Variants in CHORDC1 observed in about 807,000 individuals in gnomAD.
The protein encoded by CHORDC1 is cysteine and histidine-rich domain-containing protein 1.
CHORDC1 carries 25 observed loss-of-function variants against 48.3 expected under a neutral mutation model. The ratio of observed to expected loss-of-function variants is 0.52; its 90% CI spans 0.38 to 0.72. The LOEUF is 0.72. Among genes scored for constraint, CHORDC1 ranks in the 30% least tolerant of loss-of-function variants. CHORDC1 has a pLI of 0.00. For synonymous variants in CHORDC1, 128 were observed against 126.4 expected (o/e 1.01, Z -0.09); for missense variants, 317 against 388.7 (o/e 0.82, Z 1.55).
At chr11:90,216,892 C>G (rs750073161) in intron 2 of CHORDC1, among the ~76,000 whole-genome samples, 1 of 151,738 alleles carries the variant, frequency 6.6e-6, no homozygotes, top group African/African-American at 2.4e-5. Flanking sequence ...GAGAAAACAG[C>G]CAAAGGTTAC....
intron 4 of CHORDC1, chr11:90,212,781 AC>A (rs1405363536): frequency 6.7e-6 from 1 of 148,452 alleles, no homozygotes; most frequent in East Asian, 2.0e-4. Flanking sequence ...ACATGAGCAC[AC>A]CACCAAACCC....
At chr11:90,215,410 T>C (rs916676087) in intron 2 of CHORDC1, among the ~76,000 whole-genome samples, 180 bp from the exon 3 acceptor site, 4 of 152,062 alleles carry the variant, frequency 2.6e-5, no homozygotes, top group Admixed American at 2.0e-4. Context: ...CTTTGATTTT[T>C]AAAAAGCCAA....
At chr11:90,213,356 CTT>C (rs762162468) in intron 4 of CHORDC1, 1 of 635,392 alleles carries the variant, frequency 1.6e-6, no homozygotes, top group Admixed American at 2.7e-5. Context: ...AAAAAATCAC[CTT>C]TTTTTAAGTC....
intron 5 of CHORDC1, 195 bp downstream of exon 5, chr11:90,211,020 A>G (rs1458891879): frequency 5.3e-6 from 2 of 378,820 alleles, no homozygotes; most frequent in Non-Finnish European, 9.4e-6. Context: ...CGTTTTGAAT[A>G]AAGACATATG....
intron 1 of CHORDC1, chr11:90,222,576 G>A: frequency 1.7e-6 from 1 of 588,842 alleles, no homozygotes; most frequent in South Asian, 1.5e-5. Context: ...GAGGAGAAAC[G>A]TGTTCGTTCT....
intron 1 of CHORDC1, among the ~76,000 whole-genome samples, chr11:90,218,614 A>C (rs1483173833): frequency 6.6e-6 from 1 of 152,252 alleles, no homozygotes; most frequent in Non-Finnish European, 1.5e-5. Context: ...TTGTAATAAC[A>C]GGCTCAACAT....
intron 1 of CHORDC1, among the ~76,000 whole-genome samples, chr11:90,218,803 G>A (rs1009846183): frequency 2.0e-5 from 3 of 152,080 alleles, no homozygotes; most frequent in African/African-American, 7.2e-5. Flanking sequence ...GGGAACTGAG[G>A]AGTGCCTCTG....
At position 90,214,130 on chromosome 11, in the gene CHORDC1, C is replaced by G; in HGVS notation, c.217G>C (p.Val73Leu). 1 of 1,613,546 alleles carries G rather than the reference C, an allele frequency of 6.2e-7. No homozygotes were observed. Among genetic ancestry groups the G allele is most frequent in the Non-Finnish European group, 8.5e-7 (1 of 1,179,618 alleles). The change falls in exon 4 of 11, where the codon GTC becomes CTC. Residue 73 changes from valine (V) to leucine (L), a missense_variant. Coordinates refer to ENST00000320585, the MANE Select transcript of CHORDC1 (RefSeq NM_012124.3). Reference protein sequence around the residue: ...RHNSEKPPEPVKPEVKTTEKK... With the variant: ...RHNSEKPPEPLKPEVKTTEKK... ...TCAGTAGTCTTGACTTCAGGTTTGA[C>G]TGGCTCAGGTGGCTTCTCACTATTA...
At chr11:90,205,969 C>G in intron 7 of CHORDC1, 1 of 519,340 alleles carries the variant, frequency 1.9e-6, no homozygotes, top group Non-Finnish European at 3.5e-6. Flanking sequence ...TGAAGAAAAA[C>G]AGGCAGTTTA....
In CHORDC1 at chr11:90,219,591, A is replaced by G. The variant is rs189010913; in HGVS notation, c.65-1407T>C. ...AAAACACTTAAGGCATTCTTAAACC[A>G]CAAACAATAGCATGAGCCATATGTG... On this transcript the variant is annotated intron_variant, in intron 1 of 10. Coordinates refer to ENST00000320585, the MANE Select transcript of CHORDC1 (RefSeq NM_012124.3). 6.6e-5 allele frequency among the ~76,000 whole-genome samples: 10 copies of G among 152,344 alleles called. 1 individual carries two copies. Among genetic ancestry groups the G allele is most frequent in the Admixed American group, 3.9e-4 (6 of 15,306 alleles).
At chr11:90,214,482 T>A (rs1333334515) in intron 3 of CHORDC1, among the ~76,000 whole-genome samples, 9 of 152,038 alleles carry the variant, frequency 5.9e-5, no homozygotes, top group Admixed American at 5.9e-4. Context: ...TAAAAAATAG[T>A]TATACAGAAA....
rs780386208 is a variant in CHORDC1 at position 90,210,570 on chromosome 11, A to G, written c.458T>C (p.Ile153Thr). ...CCCTCCATTCTTACATGAGGTCCCAATCTTAATTTCATCATTGTCTTCTTC... is the reference window on the plus strand; with the variant it reads ...CCCTCCATTCTTACATGAGGTCCCAGTCTTAATTTCATCATTGTCTTCTTC... ...KKEEDNDEIK[I>T]GTSCKNGGCS... is the part of the protein sequence containing the mutation. Residue 153 changes from isoleucine (I) to threonine (T), a missense_variant, in exon 6 of 11, where the codon ATT becomes ACT. Coordinates refer to ENST00000320585, the MANE Select transcript of CHORDC1 (RefSeq NM_012124.3). 35 of 1,591,384 alleles carry G rather than the reference A, an allele frequency of 2.2e-5. No homozygotes were observed. The highest frequency in any genetic ancestry group is 1.0e-4 in the Admixed American group (6 of 59,398).
chr11:90,222,800 TGCAGGAGATCCGCG>T (rs1160942120), intron 1 of CHORDC1, 77 bp downstream of exon 1: 1 of 1,190,530 alleles, frequency 8.4e-7, no homozygotes, highest in South Asian at 1.3e-5. Context: ...CGAGGACGGC[TGCAGGAGATCCGCG>T]GACACCCTCC....
chr11:90,213,893 T>C, intron 4 of CHORDC1, 125 bp downstream of exon 4: 1 of 774,484 alleles, frequency 1.3e-6, no homozygotes. Flanking sequence ...AGAAACCAAA[T>C]GGTTCAAAGC....
chr11:90,210,993 A>C, intron 5 of CHORDC1: 1 of 324,300 alleles, frequency 3.1e-6, no homozygotes, highest in Non-Finnish European at 5.5e-6. Context: ...AAAGAAAAAA[A>C]ATTTAATATA....
chr11:90,216,576 AG>A (rs1221978544), intron 2 of CHORDC1: 8 of 439,330 alleles, frequency 1.8e-5, no homozygotes, highest in African/African-American at 1.6e-4. Flanking sequence ...GTTATAAAAT[AG>A]AGACCACAAT....
Position 90,210,531 on chromosome 11 carries a change from T to C in CHORDC1, c.492+5A>G, listed in dbSNP as rs1333461812. On this transcript the variant is annotated splice_donor_5th_base_variant and intron_variant, in intron 6 of 10. Transcript: ENST00000320585. ...ATAACACATCACAAATCTTGTGATATATACCTTTGAACACCCTCCATTCTT... is the reference window on the plus strand; with the variant it reads ...ATAACACATCACAAATCTTGTGATACATACCTTTGAACACCCTCCATTCTT... 9 of 1,574,454 alleles carry C rather than the reference T, an allele frequency of 5.7e-6. No homozygotes were observed. The African/African-American group carries it at 6.8e-5, about 12-fold the overall frequency.
In CHORDC1 at chr11:90,201,112, A is replaced by G. The variant is rs1215871878; in HGVS notation, c.*1293T>C. On this transcript the variant is annotated 3_prime_UTR_variant, in exon 11 of 11. Transcript: ENST00000320585. ...TTTGCTAATGGTAGTAGAATGATAC[A>G]TATGTTTTATTCACGAAAATAGTAC... 1 of 152,136 alleles carries G rather than the reference A, an allele frequency of 6.6e-6. No individual in the cohort carries two copies. The highest frequency in any genetic ancestry group is 1.9e-4 in the East Asian group (1 of 5,186). 9.4% of individuals were successfully genotyped at this position (152,136 alleles called of 1,614,324 possible). A position where few individuals can be genotyped will look rare whatever the true frequency, so the allele number is the denominator to read the frequency against.
chr11:90,218,305 A>C, intron 1 of CHORDC1, 121 bp from the exon 2 acceptor site: 1 of 648,576 alleles, frequency 1.5e-6, no homozygotes, highest in South Asian at 2.3e-5. Context: ...TACCTTAAAA[A>C]GGTACAAATG....
Sources: allele counts gnomAD v4.1 joint callset (sites outside exome capture counted in the v4.1 genomes callset), GRCh38; gene constraint gnomAD v4.1.1; transcripts MANE v1.5; gene names NCBI Gene and HGNC (gene_info 2026-07-23, HGNC 2026-07-21).